Variants in NAV3 observed in about 807,000 individuals in gnomAD.
NAV3 encodes the protein pore membrane and/or filament interacting like protein 1.
Under a neutral mutation model 244.7 loss-of-function variants are expected in NAV3, and 87 were observed. The ratio of observed to expected loss-of-function variants is 0.36; its 90% CI spans 0.30 to 0.42. The LOEUF is 0.42. NAV3 is among the 20% of genes least tolerant of loss of function. The pLI, the probability that NAV3 is intolerant of heterozygous loss-of-function variation, is 1.00. For synonymous variants in NAV3, 1,126 were observed against 1,042.2 expected, an observed-to-expected ratio of 1.08 and a Z score of -1.55; for missense variants, 2,663 against 2,893.3, an observed-to-expected ratio of 0.92 and a Z score of 1.83.
At chr12:78,100,908 T>C (rs889923908) in intron 12 of NAV3, among the ~76,000 whole-genome samples, 1 of 152,140 alleles carries the variant, frequency 6.6e-6, no homozygotes, top group Non-Finnish European at 1.5e-5. Flanking sequence ...TCCTGTAATG[T>C]TTAGTCTTCA....
In NAV3 at chr12:78,169,024, A is replaced by T. The variant is rs567283324; in HGVS notation, c.4981+158A>T. Among the ~76,000 whole-genome samples, 7 of 151,918 alleles carry T rather than the reference A, an allele frequency of 4.6e-5. No homozygotes were observed. In the South Asian group the frequency reaches 1.4e-3, roughly 31 times the overall value. On this transcript the variant is annotated intron_variant, in intron 24 of 39. Transcript: ENST00000397909. ...TAATACATACTAGTAGTATTAATACATACTACGTTGGTATTAATGTGATCA... is the reference window on the plus strand; with the variant it reads ...TAATACATACTAGTAGTATTAATACTTACTACGTTGGTATTAATGTGATCA...
intron 8 of NAV3, among the ~76,000 whole-genome samples, chr12:78,012,302 A>G (rs1292480513): frequency 1.3e-5 from 2 of 151,894 alleles, no homozygotes; most frequent in Non-Finnish European, 1.5e-5. Flanking sequence ...CTAGTTTCCA[A>G]TGAGTCTCCC....
Position 77,711,149 on chromosome 12 carries a change from A to T in NAV3, c.72+138883A>T, listed in dbSNP as rs61431933. Among the ~76,000 whole-genome samples the T allele has an allele frequency of 4.9e-3, 750 of 152,352 alleles. 3 individuals are homozygous for T. The highest frequency in any genetic ancestry group is 0.016 in the African/African-American group (681 of 41,588). ...CAGCAAAATTATTTGAGTGCTTTGA[A>T]TTTTGTGAAATATCAGACCCACTTA... On this transcript the variant is annotated intron_variant, in intron 2 of 8. Transcript: ENST00000550042.
At chr12:77,604,848 T>C (rs932699606) in intron 2 of NAV3, among the ~76,000 whole-genome samples, 1 of 152,154 alleles carries the variant, frequency 6.6e-6, no homozygotes, top group African/African-American at 2.4e-5. Flanking sequence ...TGCATAGAAC[T>C]GTACTTTTGT....
intron 15 of NAV3, among the ~76,000 whole-genome samples, chr12:78,121,690 C>G (rs1593672808): frequency 6.6e-6 from 1 of 151,920 alleles, no homozygotes; most frequent in South Asian, 2.1e-4. Context: ...TCATGTTTGA[C>G]TTACTTTTGT....
intron 9 of NAV3, among the ~76,000 whole-genome samples, chr12:78,044,814 C>T (rs73350603): frequency 0.057 from 8,724 of 152,248 alleles, 726 homozygotes; most frequent in African/African-American, 0.19. Context: ...CGCTTATCAG[C>T]TTAAGGAGTT....
intron 9 of NAV3, among the ~76,000 whole-genome samples, chr12:78,044,412 G>A (rs765632749): frequency 4.6e-5 from 7 of 151,958 alleles, no homozygotes; most frequent in South Asian, 2.1e-4. Flanking sequence ...TTGGCTATAC[G>A]GGCTCTTTTT....
intron 3 of NAV3, among the ~76,000 whole-genome samples, chr12:77,946,263 G>A (rs543038291): frequency 1.7e-3 from 254 of 149,816 alleles, no homozygotes; most frequent in African/African-American, 5.9e-3. Flanking sequence ...GTGTGTGCGC[G>A]TGCACCTTAT....
intron 5 of NAV3, among the ~76,000 whole-genome samples, chr12:77,980,346 C>A (rs1002868909): frequency 7.9e-5 from 12 of 152,250 alleles, no homozygotes; most frequent in African/African-American, 2.6e-4. Context: ...AAATGGAGAG[C>A]AGCCCAATTA....
chr12:77,658,605 CTACTT>C (rs910068808), intron 2 of NAV3, among the ~76,000 whole-genome samples: 8 of 152,096 alleles, frequency 5.3e-5, no homozygotes, highest in Non-Finnish European at 1.5e-5. Flanking sequence ...TTGGAAAAAA[CTACTT>C]TAAAGTTCAT....
intron 2 of NAV3, among the ~76,000 whole-genome samples, chr12:77,629,253 A>AT (rs1871779318): frequency 6.6e-6 from 1 of 152,248 alleles, no homozygotes; most frequent in Non-Finnish European, 1.5e-5. Context: ...TAAGTATTCA[A>AT]TAAATATTTG....
chr12:78,185,898 C>T (rs937605773), intron 31 of NAV3, among the ~76,000 whole-genome samples, 200 bp downstream of exon 31: 2 of 151,788 alleles, frequency 1.3e-5, no homozygotes, highest in Non-Finnish European at 2.9e-5. Flanking sequence ...TTACATGTAC[C>T]TCACATTCAT....
At chr12:78,154,278 T>C (rs960771523) in intron 22 of NAV3, among the ~76,000 whole-genome samples, 1 of 127,636 alleles carries the variant, frequency 7.8e-6, no homozygotes, top group African/African-American at 2.8e-5. Flanking sequence ...TATATATTAC[T>C]ATATATACTA....
At position 77,998,427 on chromosome 12, in the gene NAV3, C is replaced by T. The variant is rs1407011491; in HGVS notation, c.831C>T (p.Asn277=). ...TAAATAGGAGAAGTCAGAGCTTTAACAGCATTGACAAAAACAAGCCTCCAA... is the reference window on the plus strand; with the variant it reads ...TAAATAGGAGAAGTCAGAGCTTTAATAGCATTGACAAAAACAAGCCTCCAA... ...SNLNRRSQSF[N]SIDKNKPPNY... The change falls in exon 7 of 40, where the codon AAC becomes AAT. Residue 277 remains asparagine (N), a synonymous_variant. Transcript: ENST00000397909. The T allele has an allele frequency of 6.2e-7, 1 of 1,611,730 alleles. No individual in the cohort carries two copies. The highest frequency in any genetic ancestry group is 8.5e-7 in the Non-Finnish European group (1 of 1,178,818).
chr12:77,653,535 A>T (rs943945299), intron 2 of NAV3, among the ~76,000 whole-genome samples: 4 of 152,222 alleles, frequency 2.6e-5, no homozygotes, highest in Admixed American at 6.5e-5. Context: ...CTGAGAATTA[A>T]TGAATTCCTT....
At chr12:77,603,410 A>G (rs913365046) in intron 2 of NAV3, among the ~76,000 whole-genome samples, 1 of 151,950 alleles carries the variant, frequency 6.6e-6, no homozygotes, top group African/African-American at 2.4e-5. Context: ...ACCTTGATCT[A>G]TGGATTAATA....
chr12:78,050,663 T>C, intron 10 of NAV3, 101 bp from the exon 11 acceptor site: 1 of 1,254,646 alleles, frequency 8.0e-7, no homozygotes, highest in Non-Finnish European at 1.1e-6. Context: ...GACGTGTTTA[T>C]AAGAGATGAC....
intron 3 of NAV3, chr12:77,950,670 C>T (rs1010103762): frequency 2.0e-5 from 3 of 152,214 alleles, no homozygotes; most frequent in Non-Finnish European, 4.4e-5. Flanking sequence ...ACAAGCTATA[C>T]TACAAGGCTA....
intron 1 of NAV3, among the ~76,000 whole-genome samples, chr12:77,891,989 C>T (rs1334753180): frequency 6.6e-6 from 1 of 152,150 alleles, no homozygotes; most frequent in Non-Finnish European, 1.5e-5. Context: ...TTTCTGTACT[C>T]TTTGTCAGTT....
Sources: gnomAD v4.1 joint callset for allele counts (sites outside exome capture counted in the v4.1 genomes callset) on GRCh38, gnomAD v4.1.1 for gene constraint, MANE v1.5 for transcripts, NCBI Gene and HGNC (gene_info 2026-07-23, HGNC 2026-07-21) for gene names.